TTC6: variants seen among roughly 807,000 people sequenced by gnomAD.
The protein encoded by TTC6 is tetratricopeptide repeat domain 6.
TTC6 carries 172 observed loss-of-function variants against 210.4 expected under a neutral mutation model. That is an observed-to-expected ratio of 0.82 (90% CI 0.72 to 0.93). The LOEUF is 0.93. Among genes scored for constraint, TTC6 ranks in the 40% least tolerant of loss-of-function variants. TTC6 has a pLI of 0.00. For missense variants in TTC6, 2,414 were observed against 2,318.1 expected (o/e 1.04, Z -0.85); for synonymous variants, 804 against 819.6 (o/e 0.98, Z 0.32).
intron 1 of TTC6, among the ~76,000 whole-genome samples, chr14:37,599,447 A>G (rs2095610998): frequency 6.6e-6 from 1 of 152,144 alleles, no homozygotes. Flanking sequence ...TTTGTGTGTA[A>G]AAGCAACGCA....
intron 14 of TTC6, among the ~76,000 whole-genome samples, chr14:37,773,009 G>C (rs560039751): frequency 6.6e-6 from 1 of 152,218 alleles, no homozygotes; most frequent in Non-Finnish European, 1.5e-5. Context: ...TAGTGATATT[G>C]AGCATTTTTT....
intron 1 of TTC6, among the ~76,000 whole-genome samples, chr14:37,665,198 C>T (rs1365986361): frequency 6.7e-6 from 1 of 150,298 alleles, no homozygotes; most frequent in African/African-American, 2.4e-5. Flanking sequence ...TACATGCATG[C>T]AAATGTTCAT....
upstream of TTC6, among the ~76,000 whole-genome samples, chr14:37,619,361 T>A (rs755617116): frequency 6.6e-6 from 1 of 152,186 alleles, no homozygotes; most frequent in South Asian, 2.1e-4. Context: ...ATTTTCTTCA[T>A]ACTATCAAAC....
intron 24 of TTC6, 37 bp from the exon 27 acceptor site, chr14:37,812,277 A>G: frequency 1.3e-6 from 2 of 1,598,444 alleles, no homozygotes; most frequent in South Asian, 2.3e-5. Context: ...TTCAGGCTCT[A>G]AAAAGTTGAA....
intron 14 of TTC6, among the ~76,000 whole-genome samples, chr14:37,774,090 T>G (rs8020965): frequency 0.88 from 133,736 of 152,088 alleles, 59,412 homozygotes; most frequent in Non-Finnish European, 0.95. Flanking sequence ...GAATGATACT[T>G]CTTTTTTATA....
At chr14:37,808,082 T>G (rs1403829257) in intron 23 of TTC6, among the ~76,000 whole-genome samples, 2 of 152,154 alleles carry the variant, frequency 1.3e-5, no homozygotes, top group African/African-American at 4.8e-5. Context: ...CAGAAGTTAC[T>G]GGGTTAAAAG....
chr14:37,725,465 C>G (rs1337143751), intron 7 of TTC6, among the ~76,000 whole-genome samples: 1 of 150,722 alleles, frequency 6.6e-6, no homozygotes, highest in Non-Finnish European at 1.5e-5. Flanking sequence ...ATTCTCCTGC[C>G]TCAGCCTCCT....
intron 29 of TTC6, among the ~76,000 whole-genome samples, chr14:37,836,758 C>T (rs1193092959): frequency 6.6e-6 from 1 of 152,170 alleles, no homozygotes; most frequent in African/African-American, 2.4e-5. Context: ...CCCTGTCACC[C>T]TCTACCCTCA....
At chr14:37,622,483 C>T in exon 1 of TTC6, 1 of 1,535,282 alleles carries the variant, frequency 6.5e-7, no homozygotes, top group Non-Finnish European at 8.7e-7. Context: ...CCAGTCATCG[C>T]CTCGGGGTTC....
At chr14:37,646,016 T>C (rs370428998) in intron 1 of TTC6, among the ~76,000 whole-genome samples, 1 of 152,328 alleles carries the variant, frequency 6.6e-6, no homozygotes, top group East Asian at 1.9e-4. Context: ...GGAAGACATA[T>C]GAAGTTGCTA....
intron 1 of TTC6, among the ~76,000 whole-genome samples, chr14:37,604,567 G>A (rs1035622706): frequency 2.6e-5 from 4 of 152,104 alleles, no homozygotes; most frequent in African/African-American, 7.2e-5. Flanking sequence ...ACTTGTAGGC[G>A]TTGGGTGTCT....
At chr14:37,816,339 C>A (rs60835094) in intron 25 of TTC6, among the ~76,000 whole-genome samples, 5,051 of 152,138 alleles carry the variant, frequency 0.033, 272 homozygotes, top group African/African-American at 0.11. Context: ...TTCCCTCTGA[C>A]ATAGCCAGGG....
rs527899184 is a variant in TTC6, at chr14:37,825,202, C to G, written c.4975-993C>G. The stretch of plus-strand genomic sequence containing the variant: ...TGAGCACAACAGATGTGGTCTGGAG[C>G]AGATGACAGAGATCTTACTGTGAGG... On this transcript the variant is annotated intron_variant, in intron 27 of 30. Transcript: ENST00000553443. Among the ~76,000 whole-genome samples the G allele has an allele frequency of 2.0e-5, 3 of 152,256 alleles. No homozygotes were observed. The South Asian group carries it at 6.2e-4, about 32-fold the overall frequency.
At chr14:37,801,608 C>T (rs926782135) in intron 20 of TTC6, among the ~76,000 whole-genome samples, 2 of 152,082 alleles carry the variant, frequency 1.3e-5, no homozygotes, top group African/African-American at 4.8e-5. Context: ...CTCCTGCTGG[C>T]CTTGTTGTGA....
intron 20 of TTC6, among the ~76,000 whole-genome samples, chr14:37,799,543 G>A (rs2096101074): frequency 6.6e-6 from 1 of 152,076 alleles, no homozygotes; most frequent in Non-Finnish European, 1.5e-5. Flanking sequence ...AACCAACAGA[G>A]TATGGGAAAG....
chr14:37,628,866 C>A (rs1644781599), intron 1 of TTC6, among the ~76,000 whole-genome samples: 1 of 152,124 alleles, frequency 6.6e-6, no homozygotes. Context: ...AATAGTGAAT[C>A]CTTTTCCCAC....
chr14:37,687,285 T>C (rs944138537), intron 3 of TTC6, among the ~76,000 whole-genome samples: 8 of 152,094 alleles, frequency 5.3e-5, no homozygotes, highest in Admixed American at 5.2e-4. Flanking sequence ...TGCATTTAAA[T>C]GAGCCCTAGC....
At chr14:37,716,438 A>G (rs534059776) in intron 6 of TTC6, among the ~76,000 whole-genome samples, 40 of 152,228 alleles carry the variant, frequency 2.6e-4, no homozygotes, top group African/African-American at 8.7e-4. Context: ...TAATATTTAC[A>G]AGAAACAAAT....
At chr14:37,660,420 C>T (rs2095734961) in intron 1 of TTC6, among the ~76,000 whole-genome samples, 1 of 152,098 alleles carries the variant, frequency 6.6e-6, no homozygotes, top group African/African-American at 2.4e-5. Flanking sequence ...TGTGTTGTTC[C>T]CCTCTCTGTG....
Sources: gnomAD v4.1 joint callset for allele counts (sites outside exome capture counted in the v4.1 genomes callset) on GRCh38, gnomAD v4.1.1 for gene constraint, MANE v1.5 for transcripts, NCBI Gene and HGNC (gene_info 2026-07-23, HGNC 2026-07-21) for gene names.